The following GLG1 variants were observed in gnomAD, a reference collection of about 807,000 sequenced individuals.
The protein encoded by GLG1 is Golgi apparatus protein 1.
A neutral mutation model predicts 160.5 loss-of-function variants in GLG1; 38 were observed. That is an observed-to-expected ratio of 0.24 (90% CI 0.18 to 0.31). The LOEUF is 0.31. GLG1 is among the 10% of genes least tolerant of loss of function. The pLI, the probability that GLG1 is intolerant of heterozygous loss-of-function variation, is 1.00. For missense variants in GLG1, 1,373 were observed against 1,505.2 expected, an observed-to-expected ratio of 0.91 and a Z score of 1.45; for synonymous variants, 644 against 543.4, an observed-to-expected ratio of 1.19 and a Z score of -2.57.
intron 1 of GLG1, among the ~76,000 whole-genome samples, chr16:74,590,822 A>C (rs545726115): frequency 2.0e-5 from 3 of 150,906 alleles, no homozygotes; most frequent in African/African-American, 4.9e-5. Context: ...GAAAAAAAAA[A>C]AGGAAAGCAT....
At chr16:74,596,478 A>G (rs200727257) in intron 1 of GLG1, among the ~76,000 whole-genome samples, 3 of 151,540 alleles carry the variant, frequency 2.0e-5, no homozygotes, top group Non-Finnish European at 2.9e-5. Flanking sequence ...GCAGTGAGCC[A>G]AGATCGTGCC....
At chr16:74,568,654 G>T (rs1048604159) in intron 1 of GLG1, among the ~76,000 whole-genome samples, 2 of 152,088 alleles carry the variant, frequency 1.3e-5, no homozygotes, top group African/African-American at 4.8e-5. Context: ...CTGATATCAG[G>T]TGATCCGCCC....
At chr16:74,537,886 A>T (rs1479567309) in intron 1 of GLG1, among the ~76,000 whole-genome samples, 2 of 151,992 alleles carry the variant, frequency 1.3e-5, no homozygotes, top group African/African-American at 4.8e-5. Flanking sequence ...TACCGCATTC[A>T]CTTAGGAGGA....
rs2016496142 is a variant in GLG1 at position 74,503,674 on chromosome 16, T to C, written c.631A>G (p.Ile211Val). 2 of 1,612,038 alleles carry C rather than the reference T, an allele frequency of 1.2e-6. No homozygotes were observed. The highest frequency in any genetic ancestry group is 2.2e-5 in the East Asian group (1 of 44,862). Residue 211 changes from isoleucine (I) to valine (V), a missense_variant, in exon 4 of 26, where the codon ATC (isoleucine) becomes GTC (valine). Around this residue, in one of 4 missense-constraint regions of GLG1, gnomAD observed 174 missense variants for 229.9 expected, o/e 0.76. Coordinates refer to ENST00000422840, the MANE Select transcript of GLG1 (RefSeq NM_001145667.2). ...VSCLVDHRGN[I>V]TEYQCHQYIT... ...TACTGGTGACACTGATACTCAGTGA[T>C]GTTGCCTCGGTGATCCACCAAGCAG...
intron 1 of GLG1, among the ~76,000 whole-genome samples, chr16:74,579,380 C>T (rs769918912): frequency 5.3e-5 from 8 of 151,808 alleles, no homozygotes; most frequent in Admixed American, 2.0e-4. Context: ...TGTGCCAGTG[C>T]ACTCCAGGCT....
chr16:74,452,616 C>A lies in GLG1; in HGVS notation c.*551G>T, dbSNP rs2014362027. Reference sequence around the variant, plus strand: ...CTGCCCACCCACGCCTCGGTGAAGACCACGGCCCTGGCGAGGCCCCAAGGT... The same window carrying A: ...CTGCCCACCCACGCCTCGGTGAAGAACACGGCCCTGGCGAGGCCCCAAGGT... On this transcript the variant is annotated 3_prime_UTR_variant, in exon 26 of 26. Transcript: ENST00000422840. The A allele has an allele frequency of 3.0e-6, 3 of 1,000,686 alleles. No homozygotes were observed. Among genetic ancestry groups the A allele is most frequent in the Non-Finnish European group, 3.6e-6 (3 of 838,322 alleles). 62.0% of individuals were successfully genotyped at this position (1,000,686 alleles called of 1,614,324 possible). A position where few individuals can be genotyped will look rare whatever the true frequency, so the allele number is the denominator to read the frequency against.
intron 2 of GLG1, among the ~76,000 whole-genome samples, chr16:74,530,256 C>T (rs2017488825): frequency 6.6e-6 from 1 of 152,186 alleles, no homozygotes; most frequent in African/African-American, 2.4e-5. Flanking sequence ...CATCTCTATC[C>T]ATTCTTTTAA....
At chr16:74,457,813 G>A (rs1242953541) in intron 24 of GLG1, 61 bp downstream of exon 24, 2 of 1,511,554 alleles carry the variant, frequency 1.3e-6, no homozygotes, top group Non-Finnish European at 9.1e-7. Flanking sequence ...ATGTCTAAGA[G>A]GGAGTCTTTG....
intron 1 of GLG1, among the ~76,000 whole-genome samples, chr16:74,532,394 G>C (rs1332035737): frequency 1.3e-5 from 2 of 152,144 alleles, no homozygotes; most frequent in African/African-American, 4.8e-5. Context: ...GGTGCAATGT[G>C]AAGATGGGGA....
chr16:74,522,611 C>A (rs1187087400), intron 2 of GLG1, among the ~76,000 whole-genome samples: 1 of 152,132 alleles, frequency 6.6e-6, no homozygotes, highest in African/African-American at 2.4e-5. Context: ...TCTGGATACA[C>A]TGTCAGACGT....
intron 2 of GLG1, among the ~76,000 whole-genome samples, chr16:74,519,704 T>C (rs1372819301): frequency 6.6e-6 from 1 of 152,176 alleles, no homozygotes; most frequent in Non-Finnish European, 1.5e-5. Flanking sequence ...AGAAATTCCC[T>C]GTCCAAAGCC....
At chr16:74,510,407 G>A (rs2016766548) in intron 2 of GLG1, among the ~76,000 whole-genome samples, 1 of 152,144 alleles carries the variant, frequency 6.6e-6, no homozygotes, top group Admixed American at 6.6e-5. Flanking sequence ...TGCAGATAAT[G>A]ACTAAATATT....
intron 15 of GLG1, among the ~76,000 whole-genome samples, chr16:74,470,343 C>CTCCT (rs1022192389): frequency 1.4e-5 from 2 of 141,636 alleles, no homozygotes; most frequent in Admixed American, 7.2e-5. Flanking sequence ...CTTTCCTTCC[C>CTCCT]TCCTTCCTTC....
At chr16:74,488,863 C>G (rs957652971) in intron 8 of GLG1, among the ~76,000 whole-genome samples, 1 of 152,080 alleles carries the variant, frequency 6.6e-6, no homozygotes, top group Non-Finnish European at 1.5e-5. Flanking sequence ...AAGTGATCTG[C>G]CTGCCTTGGC....
chr16:74,456,831 G>C (rs546497166), intron 24 of GLG1, 76 bp from the exon 25 acceptor site: 1 of 894,832 alleles, frequency 1.1e-6, no homozygotes, highest in East Asian at 2.4e-5. Flanking sequence ...ATGAGGAAGA[G>C]GGTGCACAAC....
chr16:74,479,102 G>A (rs1390792957), intron 11 of GLG1, among the ~76,000 whole-genome samples: 4 of 120,016 alleles, frequency 3.3e-5, no homozygotes, highest in African/African-American at 9.6e-5. Context: ...GCAGGCACCC[G>A]TAATCCCAGC....
At chr16:74,540,036 T>A (rs55862196) in intron 1 of GLG1, among the ~76,000 whole-genome samples, 375 of 17,656 alleles carry the variant, frequency 0.021, 150 homozygotes, top group Non-Finnish European at 0.031. Flanking sequence ...TATATATATT[T>A]TATATATATA....
At chr16:74,496,391 A>G (rs1325889045) in intron 5 of GLG1, 50 bp downstream of exon 5, 2 of 1,197,414 alleles carry the variant, frequency 1.7e-6, no homozygotes, top group East Asian at 2.4e-5. Flanking sequence ...ACAAAATTAT[A>G]TATGTGTAAA....
intron 6 of GLG1, among the ~76,000 whole-genome samples, chr16:74,493,763 A>G (rs993834404): frequency 6.6e-6 from 1 of 152,222 alleles, no homozygotes; most frequent in African/African-American, 2.4e-5. Context: ...CTGCTGAAAA[A>G]TTAAATAGCT....
Sources: allele counts gnomAD v4.1 joint callset (sites outside exome capture counted in the v4.1 genomes callset), GRCh38; gene constraint gnomAD v4.1.1; regional missense constraint gnomAD v4.1.1; transcripts MANE v1.5; gene names NCBI Gene and HGNC (gene_info 2026-07-23, HGNC 2026-07-21).